ABR: variants seen among roughly 807,000 people sequenced by gnomAD.
The protein encoded by ABR is ABR activator of RhoGEF and GTPase.
In ABR, 35 loss-of-function variants were observed where a neutral mutation model predicts 107.2. The ratio of observed to expected loss-of-function variants is 0.33; its 90% confidence interval spans 0.25 to 0.43. The LOEUF (loss-of-function observed/expected upper bound fraction) is 0.43, where lower values mean the gene tolerates loss of function less well. Ranked by LOEUF, ABR falls within the 20% of genes least tolerant of loss-of-function variation. The pLI is 1.00. For synonymous variants in ABR, 498 were observed against 462.0 expected (o/e 1.08, Z -1.00); for missense variants, 815 against 1,115.2 (o/e 0.73, Z 3.83).
rs59557673 is a variant in ABR at position 1,052,071 on chromosome 17, C to CAA, written c.1562-1439_1562-1438dup. ...CCTGGGCGACCAAGTGACTCTTTCT[C>CAA]AAAAAAAAAAAAACCAAAAAAACCA... On this transcript the variant is annotated intron_variant, in intron 14 of 22. Coordinates refer to ENST00000302538, the MANE Select transcript of ABR (RefSeq NM_021962.5). Among the ~76,000 whole-genome samples, 496 of 132,634 alleles carry CAA rather than the reference C, an allele frequency of 3.7e-3. 2 individuals are homozygous for CAA. The highest frequency in any genetic ancestry group is 0.013 in the African/African-American group (463 of 36,250). The allele number at this position is 132,634 out of a possible 152,430, so 87.0% of individuals were successfully genotyped here.
chr17:1,203,082 C>G (rs1407012358), intron 1 of ABR, among the ~76,000 whole-genome samples: 1 of 152,098 alleles, frequency 6.6e-6, no homozygotes, highest in Admixed American at 6.6e-5. Context: ...GACGAGGTTT[C>G]ATCATGTTGG....
At chr17:1,068,340 C>A (rs1395810529) in intron 9 of ABR, among the ~76,000 whole-genome samples, 3 of 152,202 alleles carry the variant, frequency 2.0e-5, no homozygotes, top group African/African-American at 7.2e-5. Flanking sequence ...GGCTTGCTCC[C>A]CCTGAGCTAT....
chr17:1,122,746 C>T (rs1022779501), intron 2 of ABR, among the ~76,000 whole-genome samples: 28 of 152,182 alleles, frequency 1.8e-4, no homozygotes, highest in Non-Finnish European at 2.9e-4. Flanking sequence ...TAATACTTTT[C>T]TTCGTATGTA....
chr17:1,098,366 G>A (rs988605130), intron 3 of ABR, among the ~76,000 whole-genome samples: 1 of 151,522 alleles, frequency 6.6e-6, no homozygotes, highest in African/African-American at 2.4e-5. Context: ...CTTGAGACAC[G>A]GCGCCCGGCC....
chr17:1,189,024 C>T (rs779303343), upstream of ABR, among the ~76,000 whole-genome samples: 10 of 152,218 alleles, frequency 6.6e-5, no homozygotes, highest in Non-Finnish European at 1.3e-4. Context: ...TCCCCAAGCT[C>T]TTGGCACCTT....
chr17:1,144,888 G>A (rs1218852573), intron 1 of ABR, among the ~76,000 whole-genome samples: 26 of 152,052 alleles, frequency 1.7e-4, no homozygotes, highest in African/African-American at 5.6e-4. Context: ...GGTGTGTGGC[G>A]GGCCCCTGTA....
chr17:1,228,119 A>T (rs2031879682), intron 1 of ABR: 1 of 152,162 alleles, frequency 6.6e-6, no homozygotes, highest in African/African-American at 2.4e-5. Context: ...GTCTCTGGGC[A>T]CCAGGCCAGC....
At chr17:1,019,129 C>A (rs2071427556) in intron 16 of ABR, among the ~76,000 whole-genome samples, 1 of 152,198 alleles carries the variant, frequency 6.6e-6, no homozygotes, top group South Asian at 2.1e-4. Context: ...GTACAGCCCT[C>A]CCGCTGCCTC....
At chr17:1,064,734 GCATGTTCCTC>G (rs2034504709) in intron 10 of ABR, among the ~76,000 whole-genome samples, 1 of 130,668 alleles carries the variant, frequency 7.7e-6, no homozygotes, top group Non-Finnish European at 1.6e-5. Context: ...TGAGGGCTAT[GCATGTTCCTC>G]TAGACACTGT....
chr17:1,046,349 G>T (rs1395687846), intron 16 of ABR, among the ~76,000 whole-genome samples: 2 of 139,556 alleles, frequency 1.4e-5, no homozygotes, highest in Non-Finnish European at 3.3e-5. Context: ...TGTTGGCCAG[G>T]CGGGTCTTGA....
Position 1,072,619 on chromosome 17 carries a change from C to G in ABR, c.889G>C (p.Gly297Arg). 1 of 1,607,442 alleles carries G rather than the reference C, an allele frequency of 6.2e-7. No individual in the cohort carries two copies. The highest frequency in any genetic ancestry group is 8.5e-7 in the Non-Finnish European group (1 of 1,177,246). Reference sequence around the variant, plus strand: ...GTGCCGGGCTCTGAGCTCACCTCCCCCTTGGGCGTTGTCACTGCAGTCCGG... The same window carrying G: ...GTGCCGGGCTCTGAGCTCACCTCCCGCTTGGGCGTTGTCACTGCAGTCCGG... ...PRRTAVTTPK[G>R]ETRQLVKDGF... The change falls in exon 8 of 23, where the codon GGG becomes CGG. Residue 297 changes from glycine to arginine, a missense_variant. Transcript: ENST00000302538.
At chr17:1,212,474 G>T (rs911475933) in intron 1 of ABR, among the ~76,000 whole-genome samples, 2 of 151,986 alleles carry the variant, frequency 1.3e-5, no homozygotes, top group East Asian at 1.9e-4. Flanking sequence ...AAAAAGAGAC[G>T]CCAGGCACAG....
chr17:1,083,262 ATTTTTT>A lies in ABR; in HGVS notation c.639+252_639+257del, dbSNP rs71148428. On this transcript the variant is annotated intron_variant, in intron 5 of 22. Transcript: ENST00000302538. The stretch of plus-strand genomic sequence containing the variant: ...GTGGTGTGGGAGAACACTGCCTTGG[ATTTTTT>A]TTTTTTTTTTTTTTTTTTGCCTCCC... 1.6e-3 allele frequency: 158 copies of A among 101,148 alleles called. No individual in the cohort carries two copies. The East Asian group carries it at 0.018, about 12-fold the overall frequency. 6.3% of individuals were successfully genotyped at this position (101,148 alleles called of 1,614,324 possible).
chr17:1,005,880 G>A lies in ABR; in HGVS notation c.*200C>T, dbSNP rs200944927. The A allele has an allele frequency of 4.4e-4, 271 of 610,088 alleles. No individual in the cohort carries two copies. The highest frequency in any genetic ancestry group is 2.4e-3 in the Middle Eastern group (6 of 2,552). The allele number at this position is 610,088 out of a possible 1,614,324, so 37.8% of individuals were successfully genotyped here. ...GTATGGAGGGCAGGAGGTGGGATGC[G>A]GTGGTGAGGCTGGGGCTGGGCAGCC... On this transcript the variant is annotated 3_prime_UTR_variant, in exon 23 of 23. Coordinates refer to ENST00000302538, the MANE Select transcript of ABR (RefSeq NM_021962.5).
intron 4 of ABR, among the ~76,000 whole-genome samples, chr17:1,088,207 C>A (rs1026353744): frequency 6.6e-6 from 1 of 152,038 alleles, no homozygotes; most frequent in Non-Finnish European, 1.5e-5. Flanking sequence ...AGACCAGAAC[C>A]GGGGACAGCC....
chr17:1,047,306 G>A (rs1267360351), intron 16 of ABR, among the ~76,000 whole-genome samples: 1 of 152,276 alleles, frequency 6.6e-6, no homozygotes, highest in East Asian at 1.9e-4. Flanking sequence ...TGGCCGGAGT[G>A]AAGGCAGAGA....
intron 2 of ABR, among the ~76,000 whole-genome samples, chr17:1,107,113 C>T (rs111694001): frequency 1.8e-4 from 28 of 152,360 alleles, no homozygotes; most frequent in African/African-American, 6.3e-4. Flanking sequence ...TGGAACTCCC[C>T]GGCATTCGAG....
At chr17:1,194,496 CTTCT>C (rs2042508214) in intron 1 of ABR, among the ~76,000 whole-genome samples, 1 of 130,894 alleles carries the variant, frequency 7.6e-6, no homozygotes, top group Non-Finnish European at 1.7e-5. Flanking sequence ...TTCGCCCAGC[CTTCT>C]TTATTTTTTA....
chr17:1,031,941 C>G, intron 16 of ABR: 1 of 976,036 alleles, frequency 1.0e-6, no homozygotes, highest in Non-Finnish European at 1.3e-6. Context: ...CCCTCCTTCC[C>G]CGCCCTCCGC....
Sources: allele counts gnomAD v4.1 joint callset (sites outside exome capture counted in the v4.1 genomes callset), GRCh38; gene constraint gnomAD v4.1.1; transcripts MANE v1.5; gene names NCBI Gene and HGNC (gene_info 2026-07-23, HGNC 2026-07-21).